SEPTIN2: variants seen among roughly 807,000 people sequenced by gnomAD.
SEPTIN2 encodes septin-2.
A neutral mutation model predicts 46.5 loss-of-function variants in SEPTIN2; 34 were observed. The observed-to-expected ratio is 0.73, with a 90% CI of 0.56 to 0.97. The LOEUF (loss-of-function observed/expected upper bound fraction) is 0.97, where lower values mean the gene tolerates loss of function less well. SEPTIN2 is among the 50% of genes least tolerant of loss of function. SEPTIN2 has a pLI of 0.00. For missense variants in SEPTIN2, 347 were observed against 448.4 expected (o/e 0.77, Z 2.04); for synonymous variants, 175 against 153.4 (o/e 1.14, Z -1.04).
intron 2 of SEPTIN2, 147 bp downstream of exon 2, chr2:241,324,388 CTTTTTT>C (rs5839771): frequency 3.3e-4 from 148 of 453,678 alleles, no homozygotes; most frequent in Middle Eastern, 1.3e-3. Flanking sequence ...ATTTAGTTGT[CTTTTTT>C]TTTTTTTTTT....
chr2:241,340,368 G>T (rs2150117078), intron 7 of SEPTIN2, among the ~76,000 whole-genome samples: 1 of 152,254 alleles, frequency 6.6e-6, no homozygotes, highest in African/African-American at 2.4e-5. Flanking sequence ...TCACGTTGCA[G>T]ATGATTTCAC....
rs1265559490 is a variant in SEPTIN2 at position 241,348,116 on chromosome 2, A to C, written c.927-18A>C. On this transcript the variant is annotated intron_variant, in intron 10 of 12. Coordinates refer to ENST00000391971, the MANE Select transcript of SEPTIN2 (RefSeq NM_004404.5). ...TATTTGTTGCAGTGTTATGATTCTG[A>C]TTTCTTTCGATTCTTAGGAAAGTGG... The C allele has an allele frequency of 6.2e-7, 1 of 1,605,692 alleles. No homozygotes were observed. Among genetic ancestry groups the C allele is most frequent in the African/African-American group, 1.3e-5 (1 of 74,666 alleles).
chr2:241,350,237 G>A, intron 12 of SEPTIN2, 34 bp downstream of exon 12: 3 of 1,233,264 alleles, frequency 2.4e-6, no homozygotes, highest in Admixed American at 6.2e-5. Context: ...TGGAAGACAG[G>A]CAGTTACTAA....
At chr2:241,327,746 G>T (rs529331583) in intron 3 of SEPTIN2, among the ~76,000 whole-genome samples, 1 of 151,988 alleles carries the variant, frequency 6.6e-6, no homozygotes, top group African/African-American at 2.4e-5. Flanking sequence ...TAAACAGAAA[G>T]GTCTTTAAAA....
intron 5 of SEPTIN2, 195 bp from the exon 6 acceptor site, chr2:241,337,187 C>T (rs2080169052): frequency 5.5e-6 from 3 of 550,278 alleles, no homozygotes; most frequent in Non-Finnish European, 6.3e-6. Context: ...ACTCTCAGCA[C>T]TTAGGGGCAG....
chr2:241,327,923 G>A (rs899798602), intron 3 of SEPTIN2, among the ~76,000 whole-genome samples: 2 of 152,112 alleles, frequency 1.3e-5, no homozygotes, highest in African/African-American at 4.8e-5. Flanking sequence ...CTTGGTGGGG[G>A]ATGCCGGTAG....
At chr2:241,334,035 T>A (rs1031700596) in intron 3 of SEPTIN2, among the ~76,000 whole-genome samples, 10 of 152,108 alleles carry the variant, frequency 6.6e-5, no homozygotes, top group African/African-American at 2.2e-4. Context: ...GGGTTTTTTT[T>A]ACTTTGTTTT....
intron 1 of SEPTIN2, chr2:241,316,501 C>G: frequency 6.6e-7 from 1 of 1,523,450 alleles, no homozygotes; most frequent in Non-Finnish European, 8.8e-7. Flanking sequence ...AGCGACTAGG[C>G]CCTGTCTGCG....
chr2:241,318,849 C>T (rs2076746045), intron 1 of SEPTIN2, among the ~76,000 whole-genome samples: 1 of 151,980 alleles, frequency 6.6e-6, no homozygotes, highest in Admixed American at 6.6e-5. Context: ...AGGCAGGCGC[C>T]ACCACACCTG....
At chr2:241,342,087 C>T (rs1260493668) in intron 7 of SEPTIN2, among the ~76,000 whole-genome samples, 3 of 152,162 alleles carry the variant, frequency 2.0e-5, no homozygotes, top group African/African-American at 4.8e-5. Context: ...ATCCCCAGGT[C>T]GCTAGCCTGG....
At chr2:241,327,415 A>G (rs1045934983) in intron 3 of SEPTIN2, among the ~76,000 whole-genome samples, 25 of 149,276 alleles carry the variant, frequency 1.7e-4, no homozygotes, top group Non-Finnish European at 2.4e-4. Context: ...GAAAAGCTGG[A>G]AAAAAAAAAG....
In SEPTIN2 at chr2:241,350,245, T is replaced by C; in HGVS notation, c.*29+42T>C. 3 of 1,002,480 alleles carry C rather than the reference T, an allele frequency of 3.0e-6. 1 individual carries two copies. The highest frequency in any genetic ancestry group is 5.9e-5 in the East Asian group (2 of 33,866). The allele number at this position is 1,002,480 out of a possible 1,614,324, so 62.1% of individuals were successfully genotyped here. A position where few individuals can be genotyped will look rare whatever the true frequency, so the allele number is the denominator to read the frequency against. ...CTTAGCCTGGAAGACAGGCAGTTAC[T>C]AACATTGTGTCAGCTTAAATATGAC... On this transcript the variant is annotated intron_variant, in intron 12 of 12. Coordinates refer to ENST00000391971, the MANE Select transcript of SEPTIN2 (RefSeq NM_004404.5).
At chr2:241,330,667 G>A (rs1033000831) in intron 3 of SEPTIN2, among the ~76,000 whole-genome samples, 3 of 152,132 alleles carry the variant, frequency 2.0e-5, no homozygotes, top group East Asian at 1.9e-4. Context: ...AAGCAAATAC[G>A]AAATTTGTAT....
chr2:241,349,594 G>A (rs1210270099), intron 11 of SEPTIN2, among the ~76,000 whole-genome samples: 2 of 151,966 alleles, frequency 1.3e-5, no homozygotes, highest in Middle Eastern at 3.4e-3. Context: ...AGGCGGAGGC[G>A]GGTGGATCAC....
rs186474676 is a variant in SEPTIN2 at position 241,346,725 on chromosome 2, C to T, written c.926+476C>T. On this transcript the variant is annotated intron_variant, in intron 10 of 12. Coordinates refer to ENST00000391971, the MANE Select transcript of SEPTIN2 (RefSeq NM_004404.5). ...CCATAATTGCACCACTGCACTTTAT[C>T]CTGGGCAATAAAACAAGACCCTGTC... The T allele has an allele frequency of 6.8e-3, 1,035 of 152,420 alleles. 5 individuals carry two copies. The highest frequency in any genetic ancestry group is 0.012 in the Admixed American group (186 of 15,306). The allele number at this position is 152,420 out of a possible 1,614,324, so 9.4% of individuals were successfully genotyped here. A position where few individuals can be genotyped will look rare whatever the true frequency, so the allele number is the denominator to read the frequency against.
At chr2:241,327,710 C>T (rs1258793418) in intron 3 of SEPTIN2, among the ~76,000 whole-genome samples, 1 of 151,796 alleles carries the variant, frequency 6.6e-6, no homozygotes, top group Non-Finnish European at 1.5e-5. Flanking sequence ...CACACCAAAG[C>T]CTGTAATAAG....
chr2:241,316,531 G>A, intron 1 of SEPTIN2: 1 of 1,521,790 alleles, frequency 6.6e-7, no homozygotes, highest in Non-Finnish European at 8.8e-7. Flanking sequence ...GGCGAGGAGA[G>A]GCGACGAAGG....
At chr2:241,323,564 T>C (rs1353411286) in intron 1 of SEPTIN2, among the ~76,000 whole-genome samples, 1 of 152,186 alleles carries the variant, frequency 6.6e-6, no homozygotes, top group East Asian at 1.9e-4. Flanking sequence ...GCCTAATTTT[T>C]TTAATCGAAT....
intron 11 of SEPTIN2, 98 bp downstream of exon 11, chr2:241,348,289 G>C (rs1332394758): frequency 1.1e-6 from 1 of 900,694 alleles, no homozygotes; most frequent in East Asian, 3.0e-5. Context: ...GTGCAGTGGC[G>C]TGATCTCGGC....
Sources: allele counts gnomAD v4.1 joint callset (sites outside exome capture counted in the v4.1 genomes callset), GRCh38; gene constraint gnomAD v4.1.1; transcripts MANE v1.5; gene names NCBI Gene and HGNC (gene_info 2026-07-23, HGNC 2026-07-21).